PTPRJ: variants seen among roughly 807,000 people sequenced by gnomAD.
The protein encoded by PTPRJ is receptor-type tyrosine-protein phosphatase eta.
PTPRJ carries 129 observed loss-of-function variants against 141.3 expected under a neutral mutation model. The observed-to-expected ratio is 0.91, with a 90% CI of 0.79 to 1.06. PTPRJ has a LOEUF of 1.06. PTPRJ is among the 50% of genes least tolerant of loss of function. PTPRJ has a pLI of 0.00. For missense variants in PTPRJ, 1,601 were observed against 1,679.7 expected (o/e 0.95, Z 0.82); for synonymous variants, 610 against 640.5 (o/e 0.95, Z 0.72).
chr11:48,131,249 A>G (rs965495425), intron 8 of PTPRJ, among the ~76,000 whole-genome samples: 7 of 151,594 alleles, frequency 4.6e-5, no homozygotes, highest in Non-Finnish European at 8.8e-5. Context: ...TGCCTGGCTA[A>G]TTTTTATAGT....
chr11:48,014,185 A>C (rs1041500976), intron 1 of PTPRJ, among the ~76,000 whole-genome samples: 3 of 151,502 alleles, frequency 2.0e-5, no homozygotes, highest in Non-Finnish European at 4.4e-5. Flanking sequence ...ATCATTTAGA[A>C]CCCCCTGGGA....
chr11:48,120,942 A>T, intron 3 of PTPRJ, 61 bp from the exon 4 acceptor site: 1 of 1,417,728 alleles, frequency 7.1e-7, no homozygotes, highest in Non-Finnish European at 9.5e-7. Flanking sequence ...TATAGAGCAG[A>T]CCTCACTCTT....
Position 48,163,509 on chromosome 11 carries a change from C to A in PTPRJ, c.3610C>A (p.Pro1204Thr), listed in dbSNP as rs766514945. ...PLRQFHFTSW[P>T]DHGVPDTTDL... ...GAGACAGTTCCATTTCACCTCCTGG[C>A]CAGACCACGGTGTTCCCGACACCAC... Residue 1204 changes from proline to threonine, a missense_variant, in exon 23 of 25, where the codon CCA (proline) becomes ACA (threonine). Coordinates refer to ENST00000418331, the MANE Select transcript of PTPRJ (RefSeq NM_002843.4). 2.5e-6 allele frequency: 4 copies of A among 1,613,846 alleles called. No homozygotes were observed. The highest frequency in any genetic ancestry group is 3.4e-6 in the Non-Finnish European group (4 of 1,179,906).
intron 3 of PTPRJ, among the ~76,000 whole-genome samples, chr11:48,116,207 T>C (rs1856563292): frequency 6.6e-6 from 1 of 151,760 alleles, no homozygotes; most frequent in Admixed American, 6.6e-5. Flanking sequence ...ATGCCTAGAC[T>C]GAAAGTGAAG....
chr11:48,023,180 G>A (rs952369571), intron 1 of PTPRJ, among the ~76,000 whole-genome samples: 1 of 152,160 alleles, frequency 6.6e-6, no homozygotes, highest in Non-Finnish European at 1.5e-5. Flanking sequence ...TCTTAAGGAT[G>A]TAGAAATTTA....
intron 1 of PTPRJ, among the ~76,000 whole-genome samples, chr11:48,066,111 G>A (rs1855076235): frequency 6.6e-6 from 1 of 152,182 alleles, no homozygotes. Flanking sequence ...TCATGCCACT[G>A]CACTCTAGCC....
At chr11:48,162,975 G>A (rs1180020603) in intron 22 of PTPRJ, among the ~76,000 whole-genome samples, 2 of 152,156 alleles carry the variant, frequency 1.3e-5, no homozygotes, top group Non-Finnish European at 2.9e-5. Flanking sequence ...TGAATTATGA[G>A]GCCATTCTTG....
chr11:48,009,019 C>T (rs943816662), intron 1 of PTPRJ, among the ~76,000 whole-genome samples: 1 of 152,322 alleles, frequency 6.6e-6, no homozygotes, highest in Admixed American at 6.5e-5. Flanking sequence ...TTGTCTTACT[C>T]ATCCTTGTAT....
At chr11:48,030,729 C>T (rs1029432363) in intron 1 of PTPRJ, among the ~76,000 whole-genome samples, 14 of 152,034 alleles carry the variant, frequency 9.2e-5, no homozygotes, top group South Asian at 6.3e-4. Context: ...GGCAACAGAG[C>T]GAGACTCTGT....
intron 23 of PTPRJ, 132 bp from the exon 24 acceptor site, chr11:48,164,248 T>C: frequency 2.6e-6 from 3 of 1,150,784 alleles, no homozygotes; most frequent in Non-Finnish European, 3.7e-6. Context: ...TGAGCAAATG[T>C]GTACTGATCC....
intron 1 of PTPRJ, among the ~76,000 whole-genome samples, chr11:48,088,293 A>G (rs916352344): frequency 6.6e-6 from 1 of 152,176 alleles, no homozygotes; most frequent in Non-Finnish European, 1.5e-5. Flanking sequence ...GAGATATCAC[A>G]GAGTAGCAAG....
intron 8 of PTPRJ, chr11:48,131,775 C>T: frequency 2.5e-6 from 1 of 401,272 alleles, no homozygotes; most frequent in East Asian, 3.8e-5. Context: ...TGGGCTAGAT[C>T]AGTGGTTTTC....
intron 8 of PTPRJ, chr11:48,131,465 C>T: frequency 1.3e-6 from 1 of 768,504 alleles, no homozygotes. Context: ...CCCAACTTGC[C>T]AATTAATTAT....
intron 1 of PTPRJ, among the ~76,000 whole-genome samples, chr11:48,057,585 C>T (rs61914721): frequency 0.03 from 4,598 of 152,092 alleles, 105 homozygotes; most frequent in Non-Finnish European, 0.046. Flanking sequence ...GTGGTGGCAG[C>T]GGTAGCCCCC....
Position 48,143,065 on chromosome 11 carries a change from C to A in PTPRJ, c.2575+15C>A. 2 of 1,613,828 alleles carry A rather than the reference C, an allele frequency of 1.2e-6. No individual in the cohort carries two copies. Among genetic ancestry groups the A allele is most frequent in the Middle Eastern group, 1.7e-4 (1 of 6,016 alleles). On this transcript the variant is annotated intron_variant, in intron 12 of 24. Coordinates refer to ENST00000418331, the MANE Select transcript of PTPRJ (RefSeq NM_002843.4). ...CACCGGGGAAGGTAAGGAGAGGCCT[C>A]CGTGGGTTAAACAGCCCATGAGTGA... is the stretch of plus-strand genomic sequence containing the variant.
intron 19 of PTPRJ, among the ~76,000 whole-genome samples, chr11:48,155,340 T>G (rs532940594): frequency 2.6e-5 from 4 of 152,302 alleles, no homozygotes; most frequent in South Asian, 2.1e-4. Flanking sequence ...TCACCAGATA[T>G]ATGAACTTGG....
At chr11:47,987,702 G>GT (rs59965193) in intron 1 of PTPRJ, among the ~76,000 whole-genome samples, 1,742 of 152,298 alleles carry the variant, frequency 0.011, 31 homozygotes, top group African/African-American at 0.04. Context: ...GCCCAGAGCA[G>GT]TTTTTTTACC....
intron 4 of PTPRJ, among the ~76,000 whole-genome samples, chr11:48,122,118 A>G (rs1434051218): frequency 6.6e-6 from 1 of 152,200 alleles, no homozygotes; most frequent in African/African-American, 2.4e-5. Flanking sequence ...TGGAGAGAAA[A>G]GAGCCAAAGA....
In PTPRJ at chr11:48,169,461, G is replaced by A. The variant is rs1003881852; in HGVS notation, c.*2099G>A. ...GTGCTGTATGAAGCTGGGTGTGGGC[G>A]GATTCCTCCCACACCTTCACACTGG... On this transcript the variant is annotated 3_prime_UTR_variant, in exon 25 of 25. Coordinates refer to ENST00000418331, the MANE Select transcript of PTPRJ (RefSeq NM_002843.4). The A allele has an allele frequency of 1.3e-5, 2 of 151,968 alleles. No individual in the cohort carries two copies. Among genetic ancestry groups the A allele is most frequent in the African/African-American group, 4.8e-5 (2 of 41,372 alleles). 9.4% of individuals were successfully genotyped at this position (151,968 alleles called of 1,614,324 possible). A position where few individuals can be genotyped will look rare whatever the true frequency, so the allele number is the denominator to read the frequency against.
Sources: allele counts gnomAD v4.1 joint callset (sites outside exome capture counted in the v4.1 genomes callset), GRCh38; gene constraint gnomAD v4.1.1; transcripts MANE v1.5; gene names NCBI Gene and HGNC (gene_info 2026-07-23, HGNC 2026-07-21).